GNA15: variants seen among roughly 807,000 people sequenced by gnomAD.
GNA15 encodes the protein guanine nucleotide-binding protein subunit alpha-15.
Under a neutral mutation model 40.1 loss-of-function variants are expected in GNA15, and 23 were observed. The ratio of observed to expected loss-of-function variants is 0.57; its 90% CI spans 0.41 to 0.81. The LOEUF is 0.81. Ranked by LOEUF, GNA15 falls within the 40% of genes least tolerant of loss-of-function variation. GNA15 has a pLI of 0.00. For missense variants in GNA15, 522 were observed against 515.8 expected (o/e 1.01, Z -0.12); for synonymous variants, 226 against 210.4 (o/e 1.07, Z -0.64).
At chr19:3,140,106 C>T (rs904510332) in intron 1 of GNA15, among the ~76,000 whole-genome samples, 1 of 128,338 alleles carries the variant, frequency 7.8e-6, no homozygotes, top group Non-Finnish European at 1.7e-5. Context: ...ATTAATGTGT[C>T]ATATTATGTC....
At chr19:3,145,360 T>TATATATATATATATATATATA (rs1555705683) in intron 1 of GNA15, among the ~76,000 whole-genome samples, 138 of 21,496 alleles carry the variant, frequency 6.4e-3, no homozygotes, top group Non-Finnish European at 8.9e-3. Flanking sequence ...TATATATATA[T>TATATATATATATATATATATA]TTTTTTTTTT....
Position 3,140,828 on chromosome 19 carries a change from A to C in GNA15, c.145+4233A>C, listed in dbSNP as rs558208622. On this transcript the variant is annotated intron_variant, in intron 1 of 6. Transcript: ENST00000262958. The stretch of plus-strand genomic sequence containing the variant: ...TATCATATCTTCCTGGAGCTGGGAA[A>C]GTCCCTTCCACATACCACTCTGGGC... Among the ~76,000 whole-genome samples, 4 of 152,326 alleles carry C rather than the reference A, an allele frequency of 2.6e-5. No individual in the cohort carries two copies. The South Asian group carries it at 8.3e-4, about 32-fold the overall frequency.
chr19:3,143,071 G>T (rs1688124), intron 1 of GNA15: 63,525 of 151,658 alleles, frequency 0.42, 13,693 homozygotes, highest in African/African-American at 0.5. Flanking sequence ...ACCCCAGCTC[G>T]ACTGGCCGTG....
In GNA15 at chr19:3,144,559, C is replaced by G. The variant is rs182020715; in HGVS notation, c.146-4032C>G. ...TTTATTTTTTTTTGAGTCGGAGTCT[C>G]GCTCTGTCACCCAGGCTGGAGTGCA... is the stretch of plus-strand genomic sequence containing the variant. On this transcript the variant is annotated intron_variant, in intron 1 of 6. Coordinates refer to ENST00000262958, the MANE Select transcript of GNA15 (RefSeq NM_002068.4). Among the ~76,000 whole-genome samples, 4 of 151,644 alleles carry G rather than the reference C, an allele frequency of 2.6e-5. No homozygotes were observed. In the East Asian group the frequency reaches 7.8e-4, roughly 29 times the overall value.
intron 1 of GNA15, among the ~76,000 whole-genome samples, chr19:3,138,383 T>G (rs1914500119): frequency 6.6e-6 from 1 of 151,906 alleles, no homozygotes; most frequent in Non-Finnish European, 1.5e-5. Flanking sequence ...GATGCTAGCC[T>G]GGGAGGGTCT....
In GNA15 at chr19:3,156,257, G is replaced by A. The variant is rs535836404; in HGVS notation, c.744+305G>A. On this transcript the variant is annotated intron_variant, in intron 5 of 6. Coordinates refer to ENST00000262958, the MANE Select transcript of GNA15 (RefSeq NM_002068.4). ...CATGCACACAAACACGCACAGACACGTGCATAATACATGCACATACACACG... is the reference window on the plus strand; with the variant it reads ...CATGCACACAAACACGCACAGACACATGCATAATACATGCACATACACACG... Among the ~76,000 whole-genome samples the A allele has an allele frequency of 7.2e-5, 10 of 138,140 alleles. No homozygotes were observed. In the South Asian group the frequency reaches 9.3e-4, roughly 13 times the overall value. 90.6% of individuals were successfully genotyped at this position (138,140 alleles called of 152,430 possible). A position where few individuals can be genotyped will look rare whatever the true frequency, so the allele number is the denominator to read the frequency against.
intron 4 of GNA15, among the ~76,000 whole-genome samples, chr19:3,153,691 A>C (rs1279459316): frequency 7.0e-6 from 1 of 142,968 alleles, no homozygotes; most frequent in Non-Finnish European, 1.5e-5. Flanking sequence ...GGATAGATGG[A>C]TGGGTGGGTG....
At chr19:3,158,710 C>T (rs780476237) in intron 6 of GNA15, among the ~76,000 whole-genome samples, 2 of 152,174 alleles carry the variant, frequency 1.3e-5, no homozygotes, top group Admixed American at 6.5e-5. Context: ...CAACCTCCAA[C>T]TCCCCGGTTC....
Position 3,145,361 on chromosome 19 carries a change from T to TA in GNA15, c.146-3230_146-3229insA, listed in dbSNP as rs57906685. Among the ~76,000 whole-genome samples, 70 of 28,172 alleles carry TA rather than the reference T, an allele frequency of 2.5e-3. 1 individual carries two copies. In the East Asian group the frequency reaches 0.025, roughly 10 times the overall value. The allele number at this position is 28,172 out of a possible 152,430, so 18.5% of individuals were successfully genotyped here. ...AATATATATATATATATATATATAT[T>TA]TTTTTTTTTTTGTAGAGATGGGGTC... On this transcript the variant is annotated intron_variant, in intron 1 of 6. Coordinates refer to ENST00000262958, the MANE Select transcript of GNA15 (RefSeq NM_002068.4).
chr19:3,143,127 C>T (rs1914617021), intron 1 of GNA15: 1 of 152,198 alleles, frequency 6.6e-6, no homozygotes, highest in South Asian at 2.1e-4. Flanking sequence ...AGTTTACTCC[C>T]CTGGGGTTCC....
chr19:3,160,794 C>T (rs557391133), intron 6 of GNA15, among the ~76,000 whole-genome samples: 6 of 152,270 alleles, frequency 3.9e-5, no homozygotes, highest in East Asian at 1.9e-4. Context: ...TGGTGGCCTA[C>T]AATCCTTAGC....
At chr19:3,154,768 T>A (rs920862280) in intron 4 of GNA15, among the ~76,000 whole-genome samples, 2 of 149,764 alleles carry the variant, frequency 1.3e-5, no homozygotes, top group Non-Finnish European at 3.0e-5. Context: ...GATGAGTGAA[T>A]AAATCGATGA....
At chr19:3,145,359 A>ATATATATTTTTT in intron 1 of GNA15, among the ~76,000 whole-genome samples, 1 of 46,966 alleles carries the variant, frequency 2.1e-5, no homozygotes, top group Non-Finnish European at 3.9e-5. Flanking sequence ...ATATATATAT[A>ATATATATTTTTT]TTTTTTTTTT....
In GNA15 at chr19:3,150,192, A is replaced by C. The variant is rs902119948; in HGVS notation, c.392A>C (p.Tyr131Ser). 1 of 1,613,130 alleles carries C rather than the reference A, an allele frequency of 6.2e-7. No homozygotes were observed. Among genetic ancestry groups the C allele is most frequent in the African/African-American group, 1.3e-5 (1 of 74,906 alleles). The change falls in exon 3 of 7, where the codon TAC becomes TCC. Residue 131 changes from tyrosine (Y) to serine (S), a missense_variant. Coordinates refer to ENST00000262958, the MANE Select transcript of GNA15 (RefSeq NM_002068.4). ...PYKVTTFEKR[Y>S]AAAMQWLWRD... is the part of the protein sequence containing the mutation. ...AAAGTGACCACGTTTGAGAAGCGCT[A>C]CGCTGCGGCCATGCAGTGGCTGTGG...
chr19:3,163,091 T>G lies in GNA15; in HGVS notation c.*72T>G. ...TGGGAGTGGCTGCAGGGACCCCTAG[T>G]GTCCCTGGTCTATCTCTCCAGCCTC... On this transcript the variant is annotated 3_prime_UTR_variant, in exon 7 of 7. Transcript: ENST00000262958. 3 of 943,914 alleles carry G rather than the reference T, an allele frequency of 3.2e-6. No individual in the cohort carries two copies. The highest frequency in any genetic ancestry group is 5.1e-6 in the Non-Finnish European group (3 of 585,492). The allele number at this position is 943,914 out of a possible 1,614,324, so 58.5% of individuals were successfully genotyped here.
chr19:3,162,365 G>A (rs117563797), intron 6 of GNA15, among the ~76,000 whole-genome samples: 1,940 of 149,762 alleles, frequency 0.013, 23 homozygotes, highest in South Asian at 0.028. Flanking sequence ...CAGCCTGGGC[G>A]ACAGAGCGAG....
chr19:3,136,395 T>C lies in GNA15; in HGVS notation c.-56T>C. 2.0e-6 allele frequency: 3 copies of C among 1,522,758 alleles called. No homozygotes were observed. The highest frequency in any genetic ancestry group is 2.6e-6 in the Non-Finnish European group (3 of 1,132,288). The allele number at this position is 1,522,758 out of a possible 1,614,324, so 94.3% of individuals were successfully genotyped here. A position where few individuals can be genotyped will look rare whatever the true frequency, so the allele number is the denominator to read the frequency against. ...GGGCCGGCTGGGCTGGGGGTTGCCC[T>C]GGCCAGCAGGGGCCCGGGGGCGATG... On this transcript the variant is annotated 5_prime_UTR_variant, in exon 1 of 7. Transcript: ENST00000262958. The surrounding 1 kb of genome is among the most constrained non-coding windows in gnomAD (Gnocchi z 4.9).
At chr19:3,156,906 G>T (rs924523803) in intron 5 of GNA15, among the ~76,000 whole-genome samples, 1 of 152,114 alleles carries the variant, frequency 6.6e-6, no homozygotes, top group Non-Finnish European at 1.5e-5. Context: ...TCCAAAGAAG[G>T]TCACAAACTG....
At chr19:3,148,814 G>C in intron 2 of GNA15, 39 bp downstream of exon 2, 3 of 1,540,670 alleles carry the variant, frequency 1.9e-6, no homozygotes, top group African/African-American at 1.4e-5. Context: ...GGGCAGGCAG[G>C]GGCCCAGGGC....
Sources: gnomAD v4.1 joint callset for allele counts (sites outside exome capture counted in the v4.1 genomes callset) on GRCh38, gnomAD v4.1.1 for gene constraint, Gnocchi (gnomAD v3.1) non-coding constraint, MANE v1.5 for transcripts, NCBI Gene and HGNC (gene_info 2026-07-23, HGNC 2026-07-21) for gene names.